Variants in NCAM2 observed in about 807,000 individuals in gnomAD.
NCAM2 encodes the protein N-CAM-2.
In NCAM2, 30 loss-of-function variants were observed where a neutral mutation model predicts 98.1. The ratio of observed to expected loss-of-function variants is 0.31; its 90% CI spans 0.23 to 0.41. The LOEUF (loss-of-function observed/expected upper bound fraction) is 0.41. Among genes scored for constraint, NCAM2 ranks in the 10% least tolerant of loss-of-function variants. The pLI is 1.00. For synonymous variants in NCAM2, 368 were observed against 342.4 expected (o/e 1.07, Z -0.83); for missense variants, 867 against 1,005.8 (o/e 0.86, Z 1.87).
At chr21:21,255,868 G>T (rs2071648035) in intron 1 of NCAM2, among the ~76,000 whole-genome samples, 1 of 152,136 alleles carries the variant, frequency 6.6e-6, no homozygotes, top group African/African-American at 2.4e-5. Flanking sequence ...TCAGAATACA[G>T]CTTCATTCTG....
chr21:21,400,224 A>G (rs948151181), intron 9 of NCAM2, among the ~76,000 whole-genome samples: 2 of 152,188 alleles, frequency 1.3e-5, no homozygotes, highest in African/African-American at 4.8e-5. Context: ...GATGCTGGCA[A>G]TGTAATGTCA....
At chr21:21,062,756 G>T (rs562912649) in intron 1 of NCAM2, among the ~76,000 whole-genome samples, 47 of 152,212 alleles carry the variant, frequency 3.1e-4, no homozygotes, top group African/African-American at 1.1e-3. Flanking sequence ...GGTCAATTAT[G>T]CCTCATATCT....
At chr21:21,355,329 G>A (rs576680738) in intron 8 of NCAM2, among the ~76,000 whole-genome samples, 14 of 151,498 alleles carry the variant, frequency 9.2e-5, no homozygotes, top group African/African-American at 3.4e-4. Flanking sequence ...CAGCTACTCG[G>A]GACGGGGCCG....
At chr21:21,182,333 G>T (rs938031731) in intron 1 of NCAM2, among the ~76,000 whole-genome samples, 1 of 152,108 alleles carries the variant, frequency 6.6e-6, no homozygotes, top group Non-Finnish European at 1.5e-5. Context: ...ATCTCACACA[G>T]TGTAAGAGGC....
intron 1 of NCAM2, among the ~76,000 whole-genome samples, chr21:21,123,258 G>C (rs962261486): frequency 1.3e-5 from 2 of 151,958 alleles, no homozygotes; most frequent in Non-Finnish European, 2.9e-5. Context: ...AGCCGGGCGT[G>C]GTGGCACGCA....
chr21:21,115,252 T>A (rs1472889669), intron 1 of NCAM2, among the ~76,000 whole-genome samples: 3 of 152,196 alleles, frequency 2.0e-5, no homozygotes, highest in African/African-American at 7.2e-5. Flanking sequence ...AAAGAAATAA[T>A]TTTATTAGAG....
intron 1 of NCAM2, among the ~76,000 whole-genome samples, chr21:21,037,331 G>C (rs935066863): frequency 7.9e-5 from 12 of 151,890 alleles, no homozygotes; most frequent in African/African-American, 2.9e-4. Flanking sequence ...GAATGATATT[G>C]GTTATAAAAT....
intron 5 of NCAM2, among the ~76,000 whole-genome samples, chr21:21,295,987 G>C (rs1286554215): frequency 6.6e-6 from 1 of 151,730 alleles, no homozygotes; most frequent in Non-Finnish European, 1.5e-5. Flanking sequence ...TTGAGGTATT[G>C]AAAATTTAGC....
chr21:21,222,551 G>A lies in NCAM2; in HGVS notation c.56-58027G>A, dbSNP rs2070212959. ...GAGGTTCCAAATTATCAGTCAGAAT[G>A]TAACTTCAAATGTGGTGGAAATAAA... On this transcript the variant is annotated intron_variant, in intron 1 of 17. Transcript: ENST00000400546. 2.6e-5 allele frequency among the ~76,000 whole-genome samples: 4 copies of A among 152,138 alleles called. No homozygotes were observed. In the South Asian group the frequency reaches 8.3e-4, roughly 31 times the overall value.
At chr21:21,072,550 C>A (rs2065594262) in intron 1 of NCAM2, among the ~76,000 whole-genome samples, 1 of 151,854 alleles carries the variant, frequency 6.6e-6, no homozygotes, top group Admixed American at 6.6e-5. Flanking sequence ...TTATAGAGGA[C>A]CAGATAAATA....
chr21:21,014,423 C>CAA (rs71193391), intron 1 of NCAM2, among the ~76,000 whole-genome samples: 21 of 100,790 alleles, frequency 2.1e-4, no homozygotes, highest in African/African-American at 3.6e-4. Context: ...GACTCCATCT[C>CAA]AAAAAAAAAA....
At chr21:21,166,820 T>C (rs547566140) in intron 1 of NCAM2, among the ~76,000 whole-genome samples, 2 of 152,280 alleles carry the variant, frequency 1.3e-5, no homozygotes, top group Admixed American at 1.3e-4. Context: ...ACTCTCTTCC[T>C]GCTACATGGA....
In NCAM2 at chr21:20,998,570, C is replaced by T; in HGVS notation, c.7C>T (p.Leu3Phe). MSLLLSFYLLGLL... is the reference protein window; with the variant it reads MSFLLSFYLLGLL... ...CCGGTGTCACGTCCTGAACATGAGC[C>T]TCCTCCTCTCCTTCTACCTGCTGGG... The change falls in exon 1 of 18, where the codon CTC (leucine) becomes TTC (phenylalanine). Residue 3 changes from leucine to phenylalanine, a missense_variant. This residue lies in a region of NCAM2 where 447 missense variants were observed against 495.7 expected (regional missense o/e 0.90). Transcript: ENST00000400546. 2 of 1,614,046 alleles carry T rather than the reference C, an allele frequency of 1.2e-6. No homozygotes were observed. Among genetic ancestry groups the T allele is most frequent in the Non-Finnish European group, 1.7e-6 (2 of 1,179,956 alleles).
intron 1 of NCAM2, among the ~76,000 whole-genome samples, chr21:21,065,060 A>G (rs973649230): frequency 6.6e-6 from 1 of 152,008 alleles, no homozygotes; most frequent in Admixed American, 6.6e-5. Flanking sequence ...CAAGCCTATA[A>G]TACCAGCTAT....
rs565008934 is a variant in NCAM2, at chr21:21,518,754, T to C, written c.2282+9699T>C. ...TATTTATGGAATAAATGCCAGGTTA[T>C]AAGCACTTTTATAGAACTTAGGAAC... On this transcript the variant is annotated intron_variant, in intron 16 of 17. Coordinates refer to ENST00000400546, the MANE Select transcript of NCAM2 (RefSeq NM_004540.5). Among the ~76,000 whole-genome samples, 7 of 152,260 alleles carry C rather than the reference T, an allele frequency of 4.6e-5. No homozygotes were observed. The East Asian group carries it at 9.6e-4, about 21-fold the overall frequency.
chr21:21,344,996 T>C (rs2075148118), intron 8 of NCAM2, among the ~76,000 whole-genome samples: 1 of 152,110 alleles, frequency 6.6e-6, no homozygotes, highest in Non-Finnish European at 1.5e-5. Context: ...GTAATACAGA[T>C]AATTTTCCCC....
chr21:21,020,098 G>T (rs183055059), intron 1 of NCAM2, among the ~76,000 whole-genome samples: 5 of 151,858 alleles, frequency 3.3e-5, no homozygotes, highest in African/African-American at 1.2e-4. Context: ...GTGCAGTGGC[G>T]TGATCTAAGT....
intron 1 of NCAM2, among the ~76,000 whole-genome samples, chr21:21,074,523 A>G (rs1484962107): frequency 6.6e-6 from 1 of 152,166 alleles, no homozygotes; most frequent in African/African-American, 2.4e-5. Context: ...CAAATTCAGG[A>G]TCAGGTGGAA....
intron 1 of NCAM2, among the ~76,000 whole-genome samples, chr21:21,054,064 C>G (rs1244153185): frequency 6.6e-6 from 1 of 151,706 alleles, no homozygotes; most frequent in African/African-American, 2.4e-5. Flanking sequence ...TCCAAAAGAT[C>G]ACTTGACATT....
Sources: gnomAD v4.1 joint callset for allele counts (sites outside exome capture counted in the v4.1 genomes callset) on GRCh38, gnomAD v4.1.1 for gene constraint, gnomAD v4.1.1 regional missense constraint, MANE v1.5 for transcripts, NCBI Gene and HGNC (gene_info 2026-07-23, HGNC 2026-07-21) for gene names.